Variants in DOCK4 observed in about 807,000 individuals in gnomAD.
The protein encoded by DOCK4 is dedicator of cytokinesis protein 4.
DOCK4 carries 97 observed loss-of-function variants against 268.1 expected under a neutral mutation model. That is an observed-to-expected ratio of 0.36 (90% CI 0.31 to 0.43). DOCK4 has a LOEUF of 0.43. Ranked by LOEUF, DOCK4 falls within the 20% of genes least tolerant of loss-of-function variation. DOCK4 has a pLI of 1.00. For missense variants in DOCK4, 2,145 were observed against 2,455.7 expected (o/e 0.87, Z 2.67); for synonymous variants, 954 against 887.2 (o/e 1.08, Z -1.34).
intron 8 of DOCK4, among the ~76,000 whole-genome samples, chr7:111,950,204 G>C (rs926370951): frequency 3.9e-5 from 6 of 152,176 alleles, no homozygotes; most frequent in Non-Finnish European, 5.9e-5. Flanking sequence ...TGGGATTACA[G>C]GCATAAGCCA....
intron 42 of DOCK4, among the ~76,000 whole-genome samples, 151 bp from the exon 43 acceptor site, chr7:111,747,594 G>A (rs377065115): frequency 1.3e-5 from 2 of 152,346 alleles, no homozygotes; most frequent in African/African-American, 4.8e-5. Context: ...AGACAAGGAT[G>A]TGGAAGTCAA....
intron 1 of DOCK4, among the ~76,000 whole-genome samples, chr7:112,201,941 G>A (rs923469050): frequency 3.9e-5 from 6 of 152,134 alleles, no homozygotes; most frequent in Non-Finnish European, 8.8e-5. Context: ...AGATCATGCA[G>A]TACTTATCTT....
chr7:112,085,874 G>A (rs954322717), intron 1 of DOCK4, among the ~76,000 whole-genome samples: 1 of 152,112 alleles, frequency 6.6e-6, no homozygotes, highest in Non-Finnish European at 1.5e-5. Flanking sequence ...CCCCAGCTAT[G>A]AGACATTTTT....
intron 1 of DOCK4, among the ~76,000 whole-genome samples, chr7:112,046,043 T>C (rs185729092): frequency 7.9e-5 from 12 of 152,316 alleles, no homozygotes; most frequent in Admixed American, 7.2e-4. Context: ...GAAATCATTG[T>C]TCAATACCCT....
At chr7:112,129,961 A>G (rs1813648678) in intron 1 of DOCK4, among the ~76,000 whole-genome samples, 1 of 152,206 alleles carries the variant, frequency 6.6e-6, no homozygotes, top group South Asian at 2.1e-4. Flanking sequence ...TTGGGCTTTC[A>G]GTAAAGCCAT....
At chr7:111,749,361 G>A (rs910261705) in intron 42 of DOCK4, among the ~76,000 whole-genome samples, 1 of 152,086 alleles carries the variant, frequency 6.6e-6, no homozygotes, top group Non-Finnish European at 1.5e-5. Context: ...AAGGGGAGAG[G>A]AGAACTTCTG....
chr7:112,189,865 A>T (rs1819792044), intron 1 of DOCK4, among the ~76,000 whole-genome samples: 1 of 149,642 alleles, frequency 6.7e-6, no homozygotes, highest in Non-Finnish European at 1.5e-5. Flanking sequence ...TACGGGCATG[A>T]GTCACCACAC....
chr7:112,069,370 G>T lies in DOCK4; in HGVS notation c.38-65239C>A, dbSNP rs115885968. Among the ~76,000 whole-genome samples, 312 of 152,158 alleles carry T rather than the reference G, an allele frequency of 2.1e-3. 1 individual carries two copies. Among genetic ancestry groups the T allele is most frequent in the African/African-American group, 7.1e-3 (293 of 41,508 alleles). ...GAAAGACATAATTCTTGCCTTTAAG[G>T]GGCTCTCAGCCTAATGAGGTAAGTA... is the stretch of plus-strand genomic sequence containing the variant. On this transcript the variant is annotated intron_variant, in intron 1 of 52. Transcript: ENST00000428084.
intron 52 of DOCK4, among the ~76,000 whole-genome samples, chr7:111,731,386 T>C (rs1253840277): frequency 6.6e-6 from 1 of 152,210 alleles, no homozygotes; most frequent in Non-Finnish European, 1.5e-5. Flanking sequence ...TAGCTAGAAC[T>C]AGCTCATCAC....
intron 1 of DOCK4, among the ~76,000 whole-genome samples, chr7:112,018,179 A>AAAAAAAAAAAAAAAACCAC: frequency 1.4e-5 from 1 of 72,590 alleles, no homozygotes; most frequent in African/African-American, 5.4e-5. Context: ...AAAAAAAAAA[A>AAAAAAAAAAAAAAAACCAC]ACACAGGCAA....
At chr7:111,743,149 T>C (rs1192753293) in intron 44 of DOCK4, among the ~76,000 whole-genome samples, 1 of 152,206 alleles carries the variant, frequency 6.6e-6, no homozygotes, top group East Asian at 1.9e-4. Context: ...TGTGCAACCA[T>C]CAACAGTGTG....
chr7:111,926,585 G>A (rs1182551820), intron 12 of DOCK4, among the ~76,000 whole-genome samples: 3 of 149,192 alleles, frequency 2.0e-5, no homozygotes, highest in South Asian at 4.2e-4. Flanking sequence ...CGGGCAAGGC[G>A]GGCAAGGTGG....
At chr7:111,791,656 C>T (rs912422216) in intron 30 of DOCK4, among the ~76,000 whole-genome samples, 8 of 152,184 alleles carry the variant, frequency 5.3e-5, no homozygotes, top group Non-Finnish European at 1.0e-4. Context: ...CCATGTTGGC[C>T]AGGCTGGTAT....
intron 8 of DOCK4, chr7:111,971,816 C>A: frequency 6.6e-6 from 2 of 302,518 alleles, no homozygotes; most frequent in East Asian, 1.0e-4. Context: ...GGCTCTTTGC[C>A]ACAGCAACCT....
intron 16 of DOCK4, among the ~76,000 whole-genome samples, chr7:111,894,475 G>A (rs565302873): frequency 7.2e-5 from 11 of 152,286 alleles, no homozygotes; most frequent in African/African-American, 2.2e-4. Context: ...TAAGAGATGT[G>A]TGCAGATACC....
At chr7:111,958,026 T>G (rs1796572353) in intron 8 of DOCK4, among the ~76,000 whole-genome samples, 1 of 152,208 alleles carries the variant, frequency 6.6e-6, no homozygotes, top group Non-Finnish European at 1.5e-5. Flanking sequence ...GAAACAACTC[T>G]ATAAACATTT....
At chr7:111,836,439 C>T (rs1803249119) in intron 25 of DOCK4, among the ~76,000 whole-genome samples, 1 of 151,768 alleles carries the variant, frequency 6.6e-6, no homozygotes, top group African/African-American at 2.4e-5. Context: ...TAAAAAAATC[C>T]ACCTGTCAAC....
intron 30 of DOCK4, among the ~76,000 whole-genome samples, chr7:111,804,084 C>G (rs751696816): frequency 6.6e-6 from 1 of 152,194 alleles, no homozygotes; most frequent in Non-Finnish European, 1.5e-5. Flanking sequence ...AATTCCACTT[C>G]TGGCTATGTA....
At chr7:111,999,779 CA>C (rs5886609) in intron 3 of DOCK4, among the ~76,000 whole-genome samples, 61,963 of 144,886 alleles carry the variant, frequency 0.43, 12,993 homozygotes, top group East Asian at 0.56. Context: ...AGAATTAAAC[CA>C]AAAAAAAAAA....
Sources: allele counts gnomAD v4.1 joint callset (sites outside exome capture counted in the v4.1 genomes callset), GRCh38; gene constraint gnomAD v4.1.1; transcripts MANE v1.5; gene names NCBI Gene and HGNC (gene_info 2026-07-23, HGNC 2026-07-21).